Variants in TOX3 observed in about 807,000 individuals in gnomAD.
TOX3 encodes the protein TOX high mobility group box family member 3.
A neutral mutation model predicts 64.3 loss-of-function variants in TOX3; 22 were observed. The observed-to-expected ratio is 0.34, with a 90% CI of 0.24 to 0.49. The LOEUF is 0.49. TOX3 is among the 20% of genes least tolerant of loss of function. The pLI, the probability that TOX3 is intolerant of heterozygous loss-of-function variation, is 0.99. For synonymous variants in TOX3, 291 were observed against 273.6 expected (o/e 1.06, Z -0.63); for missense variants, 661 against 714.4 (o/e 0.93, Z 0.85).
intron 3 of TOX3, among the ~76,000 whole-genome samples, chr16:52,454,274 T>C (rs1189355229): frequency 1.3e-5 from 2 of 151,918 alleles, no homozygotes; most frequent in Non-Finnish European, 2.9e-5. Flanking sequence ...AGTGTGACAG[T>C]ATGGAAACCA....
intron 1 of TOX3, among the ~76,000 whole-genome samples, chr16:52,515,791 T>A (rs1285086112): frequency 6.6e-6 from 1 of 152,252 alleles, no homozygotes; most frequent in Non-Finnish European, 1.5e-5. Flanking sequence ...TTTAAGGATA[T>A]CTATAGCAAA....
In TOX3 at chr16:52,446,143, T is replaced by G. The variant is rs1960155717; in HGVS notation, c.757A>C (p.Asn253His). 6.2e-7 allele frequency: 1 copy of G among 1,614,016 alleles called. No homozygotes were observed. The highest frequency in any genetic ancestry group is 8.5e-7 in the Non-Finnish European group (1 of 1,179,850). Residue 253 changes from asparagine (N) to histidine (H), a missense_variant, in exon 5 of 7, where the codon AAT (asparagine) becomes CAT (histidine). Around this residue, in one of 3 missense-constraint regions of TOX3, gnomAD observed 103 missense variants for 161.2 expected, o/e 0.64. Coordinates refer to ENST00000219746, the MANE Select transcript of TOX3 (RefSeq NM_001080430.4). ...GCTGACACTGGCTTCTGTGGCTCAT[T>G]GGGATCTTTCTTTTTCTTTTTCTTT... ...TPKKKKKKDP[N>H]EPQKPVSAYA... is the part of the protein sequence containing the mutation.
intron 1 of TOX3, among the ~76,000 whole-genome samples, chr16:52,473,551 ACACG>A (rs1961111760): frequency 6.6e-6 from 1 of 152,210 alleles, no homozygotes. Flanking sequence ...TGCAAAGTCC[ACACG>A]CACGTGAAGG....
At chr16:52,490,175 G>A (rs1269258656) in intron 1 of TOX3, among the ~76,000 whole-genome samples, 1 of 152,070 alleles carries the variant, frequency 6.6e-6, no homozygotes, top group Non-Finnish European at 1.5e-5. Context: ...TGAGTTCTCA[G>A]GAAATCTGAT....
intron 1 of TOX3, among the ~76,000 whole-genome samples, chr16:52,506,546 AG>A (rs1201620504): frequency 6.6e-6 from 1 of 152,096 alleles, no homozygotes; most frequent in African/African-American, 2.4e-5. Flanking sequence ...CTTTTAAAGA[AG>A]GGGGGTTTCT....
Position 52,527,189 on chromosome 16 carries a change from A to G in TOX3, c.87+19448T>C, listed in dbSNP as rs990601764. ...TTTAAAAATAAAAAAATAAAAAAGT[A>G]AAAGAAAAGAAAAAGCTAGCAGGTA... On this transcript the variant is annotated intron_variant, in intron 1 of 6. Coordinates refer to ENST00000219746, the MANE Select transcript of TOX3 (RefSeq NM_001080430.4). Among the ~76,000 whole-genome samples the G allele has an allele frequency of 2.6e-5, 4 of 152,096 alleles. No individual in the cohort carries two copies. The East Asian group carries it at 7.7e-4, about 29-fold the overall frequency.
chr16:52,502,994 C>T (rs1962045349), intron 1 of TOX3, among the ~76,000 whole-genome samples: 1 of 152,066 alleles, frequency 6.6e-6, no homozygotes, highest in African/African-American at 2.4e-5. Context: ...GGAAAGCAAC[C>T]ACAGAAGACA....
chr16:52,448,525 T>C (rs1007611187), intron 4 of TOX3, among the ~76,000 whole-genome samples: 3 of 152,180 alleles, frequency 2.0e-5, no homozygotes, highest in African/African-American at 7.2e-5. Context: ...TCTGTGACTG[T>C]GAGAAGACTG....
chr16:52,444,499 G>GCATACA, intron 5 of TOX3, 143 bp from the exon 6 acceptor site: 1 of 379,824 alleles, frequency 2.6e-6, no homozygotes, highest in Non-Finnish European at 4.7e-6. Flanking sequence ...GTTAGCGCAT[G>GCATACA]CACACACACA....
At chr16:52,448,208 CA>C (rs1437484221) in intron 4 of TOX3, among the ~76,000 whole-genome samples, 7 of 152,156 alleles carry the variant, frequency 4.6e-5, no homozygotes, top group Admixed American at 4.6e-4. Context: ...CCCAAAGAGA[CA>C]TAATCAATGA....
intron 1 of TOX3, among the ~76,000 whole-genome samples, chr16:52,497,472 A>G (rs565761009): frequency 2.6e-5 from 4 of 152,312 alleles, no homozygotes; most frequent in East Asian, 3.9e-4. Context: ...CAAGATTCCA[A>G]TTTGTGGAAA....
intron 1 of TOX3, among the ~76,000 whole-genome samples, chr16:52,509,037 C>T (rs903977228): frequency 6.6e-6 from 1 of 152,044 alleles, no homozygotes; most frequent in African/African-American, 2.4e-5. Context: ...TTATTTATTA[C>T]CCCAGGAAGA....
chr16:52,491,966 A>C (rs1961699182), intron 1 of TOX3, among the ~76,000 whole-genome samples: 1 of 152,054 alleles, frequency 6.6e-6, no homozygotes, highest in Non-Finnish European at 1.5e-5. Context: ...TACACACCAC[A>C]TTGCCAGGAG....
At chr16:52,452,865 C>T (rs1225542319) in intron 3 of TOX3, among the ~76,000 whole-genome samples, 1 of 152,184 alleles carries the variant, frequency 6.6e-6, no homozygotes, top group African/African-American at 2.4e-5. Flanking sequence ...AGGAAAGTGT[C>T]ACAAGTATCA....
chr16:52,471,555 A>G (rs1050066659), intron 1 of TOX3, among the ~76,000 whole-genome samples: 2 of 152,184 alleles, frequency 1.3e-5, no homozygotes, highest in African/African-American at 4.8e-5. Context: ...AGGGGCCTTA[A>G]CTGTGTTCAC....
intron 1 of TOX3, among the ~76,000 whole-genome samples, chr16:52,472,468 C>T (rs998013070): frequency 6.6e-6 from 1 of 152,030 alleles, no homozygotes; most frequent in Non-Finnish European, 1.5e-5. Flanking sequence ...AATTTTACAC[C>T]ATGGTAAAAT....
intron 2 of TOX3, among the ~76,000 whole-genome samples, chr16:52,468,071 A>G (rs1051092535): frequency 6.6e-5 from 10 of 152,196 alleles, no homozygotes; most frequent in African/African-American, 2.4e-4. Flanking sequence ...CTCTTCTGTC[A>G]CATAGTTTCC....
At chr16:52,531,035 T>C (rs1379737143) in intron 1 of TOX3, among the ~76,000 whole-genome samples, 1 of 152,176 alleles carries the variant, frequency 6.6e-6, no homozygotes, top group Non-Finnish European at 1.5e-5. Context: ...AATCTAGGAT[T>C]GAGACAAGAT....
At chr16:52,505,572 T>C (rs1402997917) in intron 1 of TOX3, among the ~76,000 whole-genome samples, 1 of 152,198 alleles carries the variant, frequency 6.6e-6, no homozygotes, top group Non-Finnish European at 1.5e-5. Flanking sequence ...AATCACTAAC[T>C]GCTTTGGCTT....
Sources: gnomAD v4.1 joint callset for allele counts (sites outside exome capture counted in the v4.1 genomes callset) on GRCh38, gnomAD v4.1.1 for gene constraint, gnomAD v4.1.1 regional missense constraint, MANE v1.5 for transcripts, NCBI Gene and HGNC (gene_info 2026-07-23, HGNC 2026-07-21) for gene names.